Variants in LRRC4C observed in about 807,000 individuals in gnomAD.
LRRC4C encodes the protein leucine-rich repeat-containing protein 4C.
In LRRC4C, 5 loss-of-function variants were observed where a neutral mutation model predicts 33.6. That is an observed-to-expected ratio of 0.15 (90% CI 0.08 to 0.31). The LOEUF is 0.31. LRRC4C is among the 10% of genes least tolerant of loss of function. The pLI is 1.00. For synonymous variants in LRRC4C, 329 were observed against 302.0 expected (o/e 1.09, Z -0.93); for missense variants, 560 against 796.7 (o/e 0.70, Z 3.58).
At chr11:40,122,628 A>G (rs1428490803) in intron 6 of LRRC4C, among the ~76,000 whole-genome samples, 1 of 152,120 alleles carries the variant, frequency 6.6e-6, no homozygotes, top group East Asian at 1.9e-4. Flanking sequence ...CCTTACCATC[A>G]TAATCAATAA....
intron 2 of LRRC4C, among the ~76,000 whole-genome samples, chr11:40,678,035 T>C (rs1001016366): frequency 2.0e-5 from 3 of 152,054 alleles, no homozygotes; most frequent in Non-Finnish European, 4.4e-5. Flanking sequence ...CTTCCTTCCT[T>C]TATCTGAGAG....
chr11:41,355,722 T>C (rs1280098249), intron 1 of LRRC4C, among the ~76,000 whole-genome samples: 1 of 152,146 alleles, frequency 6.6e-6, no homozygotes, highest in Non-Finnish European at 1.5e-5. Context: ...TTGAGCTATG[T>C]ACAGTATCCA....
intron 2 of LRRC4C, among the ~76,000 whole-genome samples, chr11:40,869,190 T>G (rs1017976262): frequency 2.0e-5 from 3 of 152,126 alleles, no homozygotes; most frequent in African/African-American, 7.2e-5. Context: ...CCCAGTTATG[T>G]TCCAGGAAAT....
intron 4 of LRRC4C, among the ~76,000 whole-genome samples, chr11:40,279,389 TAC>T (rs1943324261): frequency 6.6e-6 from 1 of 152,200 alleles, no homozygotes; most frequent in Non-Finnish European, 1.5e-5. Context: ...CAACAGGAAT[TAC>T]ACCATTGCGC....
At chr11:40,336,905 A>G (rs1197031408) in intron 3 of LRRC4C, among the ~76,000 whole-genome samples, 2 of 141,276 alleles carry the variant, frequency 1.4e-5, no homozygotes, top group Non-Finnish European at 1.5e-5. Context: ...TGAACCCGGA[A>G]GGCGGAGCTT....
At chr11:40,144,334 A>C (rs1857572610) in intron 5 of LRRC4C, among the ~76,000 whole-genome samples, 5 of 152,226 alleles carry the variant, frequency 3.3e-5, no homozygotes, top group Admixed American at 2.0e-4. Flanking sequence ...TGCTACCAGC[A>C]GACCCTTCAT....
intron 1 of LRRC4C, among the ~76,000 whole-genome samples, chr11:40,943,582 A>G (rs554602640): frequency 9.9e-4 from 151 of 152,306 alleles, no homozygotes; most frequent in Admixed American, 2.7e-3. Flanking sequence ...TATTCAGTTC[A>G]TTTAGACAGA....
chr11:40,912,866 T>A, intron 2 of LRRC4C, among the ~76,000 whole-genome samples: 1 of 151,694 alleles, frequency 6.6e-6, no homozygotes, highest in East Asian at 1.9e-4. Flanking sequence ...ACCAAGCCAA[T>A]GGAAAACAAA....
chr11:40,733,781 T>G (rs1947724666), intron 2 of LRRC4C, among the ~76,000 whole-genome samples: 1 of 152,140 alleles, frequency 6.6e-6, no homozygotes, highest in Admixed American at 6.5e-5. Flanking sequence ...ACCTGGCCCC[T>G]TCAAATACCC....
chr11:40,935,815 T>C (rs1432290757), intron 1 of LRRC4C, among the ~76,000 whole-genome samples: 4 of 151,496 alleles, frequency 2.6e-5, no homozygotes, highest in African/African-American at 7.3e-5. Flanking sequence ...GAGTTCATTC[T>C]CTTGATTTAA....
intron 4 of LRRC4C, among the ~76,000 whole-genome samples, chr11:40,300,264 G>A (rs1256080265): frequency 7.2e-5 from 11 of 152,000 alleles, no homozygotes; most frequent in Admixed American, 7.2e-4. Context: ...CCAACATTAG[G>A]GATTACAATT....
At chr11:40,999,182 A>G (rs926826233) in intron 1 of LRRC4C, among the ~76,000 whole-genome samples, 8 of 152,046 alleles carry the variant, frequency 5.3e-5, no homozygotes, top group Admixed American at 5.2e-4. Context: ...GTCTCTGGCC[A>G]CTGTTACAGA....
At chr11:40,855,824 A>T (rs1233025868) in intron 2 of LRRC4C, among the ~76,000 whole-genome samples, 2 of 152,044 alleles carry the variant, frequency 1.3e-5, no homozygotes, top group East Asian at 3.9e-4. Flanking sequence ...TACAGAATTT[A>T]AATGAATGAG....
intron 2 of LRRC4C, among the ~76,000 whole-genome samples, chr11:40,807,277 T>C (rs1342579091): frequency 1.3e-5 from 2 of 152,224 alleles, no homozygotes; most frequent in Non-Finnish European, 2.9e-5. Flanking sequence ...TTTCACACTG[T>C]ACCCTGTTGG....
intron 2 of LRRC4C, among the ~76,000 whole-genome samples, chr11:40,684,148 A>G (rs1175059991): frequency 6.6e-6 from 1 of 152,138 alleles, no homozygotes; most frequent in Non-Finnish European, 1.5e-5. Context: ...AAATAAAAAT[A>G]TTTTAAAATT....
In LRRC4C at chr11:41,061,891, C is replaced by T. The variant is rs148231744; in HGVS notation, c.-495-128168G>A. On this transcript the variant is annotated intron_variant, in intron 1 of 6. Coordinates refer to ENST00000528697, the MANE Select transcript of LRRC4C (RefSeq NM_001258419.2). Reference sequence around the variant, plus strand: ...CTGGGAAATGCAATATGGCACCTACCCTTGGAAGGTCTAACACGGTGGGCA... The same window carrying T: ...CTGGGAAATGCAATATGGCACCTACTCTTGGAAGGTCTAACACGGTGGGCA... 2.4e-3 allele frequency among the ~76,000 whole-genome samples: 360 copies of T among 152,166 alleles called. 3 individuals carry two copies. Among genetic ancestry groups the T allele is most frequent in the African/African-American group, 8.2e-3 (341 of 41,524 alleles).
chr11:41,043,740 T>A (rs1857588853), intron 1 of LRRC4C, among the ~76,000 whole-genome samples: 1 of 152,124 alleles, frequency 6.6e-6, no homozygotes, highest in African/African-American at 2.4e-5. Context: ...ATTTTTAACA[T>A]TTATTTTACC....
At chr11:41,317,971 G>A (rs1408815206) in intron 1 of LRRC4C, among the ~76,000 whole-genome samples, 1 of 152,140 alleles carries the variant, frequency 6.6e-6, no homozygotes, top group African/African-American at 2.4e-5. Context: ...AGGAAAAAAG[G>A]TATATGCCTA....
chr11:40,704,876 T>TA (rs1240211932), intron 2 of LRRC4C, among the ~76,000 whole-genome samples: 2 of 152,140 alleles, frequency 1.3e-5, no homozygotes, highest in African/African-American at 4.8e-5. Context: ...TTTCTGTAAA[T>TA]ATTGAATTTA....
Sources: allele counts gnomAD v4.1 joint callset (sites outside exome capture counted in the v4.1 genomes callset), GRCh38; gene constraint gnomAD v4.1.1; transcripts MANE v1.5; gene names NCBI Gene and HGNC (gene_info 2026-07-23, HGNC 2026-07-21).